MALRD1: variants seen among roughly 807,000 people sequenced by gnomAD.
The protein encoded by MALRD1 is MAM and LDL receptor class A domain containing 1, also known as MAM and LDL-receptor class A domain-containing protein 1.
A neutral mutation model predicts 242.1 loss-of-function variants in MALRD1; 247 were observed. The ratio of observed to expected loss-of-function variants is 1.02; its 90% CI spans 0.92 to 1.13. The LOEUF (loss-of-function observed/expected upper bound fraction) is 1.13. Ranked by LOEUF, MALRD1 falls within the 50% of genes most tolerant of loss-of-function variation. MALRD1 has a pLI of 0.00. For missense variants in MALRD1, 2,989 were observed against 2,533.1 expected, an observed-to-expected ratio of 1.18 and a Z score of -3.86; for synonymous variants, 995 against 866.6, an observed-to-expected ratio of 1.15 and a Z score of -2.60.
At chr10:19,688,022 C>T (rs530394829) in intron 36 of MALRD1, among the ~76,000 whole-genome samples, 15 of 151,734 alleles carry the variant, frequency 9.9e-5, no homozygotes, top group East Asian at 1.9e-4. Context: ...CAGGCTGGAG[C>T]GCAGTGGAGT....
chr10:19,366,670 G>C (rs1414270122), intron 26 of MALRD1, among the ~76,000 whole-genome samples: 1 of 152,038 alleles, frequency 6.6e-6, no homozygotes, highest in Non-Finnish European at 1.5e-5. Context: ...TATGCATTCT[G>C]GTGATGAACA....
intron 5 of MALRD1, among the ~76,000 whole-genome samples, chr10:19,104,466 G>A (rs1564393971): frequency 6.6e-6 from 1 of 151,874 alleles, no homozygotes; most frequent in African/African-American, 2.4e-5. Context: ...CAAAATAGAG[G>A]TATTAGTTAT....
chr10:19,365,676 A>C (rs970740830), intron 26 of MALRD1, among the ~76,000 whole-genome samples: 5 of 147,456 alleles, frequency 3.4e-5, no homozygotes, highest in South Asian at 2.1e-4. Flanking sequence ...AAAAAAAAAA[A>C]AAAAAAAAAA....
At chr10:19,154,952 T>C in intron 11 of MALRD1, 123 bp from the exon 12 acceptor site, 1 of 447,818 alleles carries the variant, frequency 2.2e-6, no homozygotes, top group Admixed American at 4.4e-5. Flanking sequence ...ATAGTAAACA[T>C]GTAAAAAATG....
intron 27 of MALRD1, chr10:19,389,232 G>T: frequency 1.5e-6 from 1 of 653,318 alleles, no homozygotes. Context: ...CAGTTAATCT[G>T]CATACTGTGA....
intron 10 of MALRD1, among the ~76,000 whole-genome samples, chr10:19,140,414 A>G (rs1383471637): frequency 6.6e-6 from 1 of 152,186 alleles, no homozygotes; most frequent in Non-Finnish European, 1.5e-5. Context: ...ATCCTGTATT[A>G]AATGAGGGCA....
intron 29 of MALRD1, among the ~76,000 whole-genome samples, chr10:19,473,558 A>G (rs1836597233): frequency 6.6e-6 from 1 of 152,050 alleles, no homozygotes; most frequent in African/African-American, 2.4e-5. Flanking sequence ...GCCACACATG[A>G]GTGGAATCAT....
At chr10:19,524,349 T>C (rs1834003062) in intron 31 of MALRD1, among the ~76,000 whole-genome samples, 1 of 151,860 alleles carries the variant, frequency 6.6e-6, no homozygotes, top group Non-Finnish European at 1.5e-5. Flanking sequence ...TGGTGGTGCG[T>C]GCCTGTAGTC....
At chr10:19,664,194 C>T (rs1841570390) in intron 36 of MALRD1, among the ~76,000 whole-genome samples, 1 of 151,586 alleles carries the variant, frequency 6.6e-6, no homozygotes, top group Non-Finnish European at 1.5e-5. Context: ...ATCTAAGACT[C>T]TAATGTCATA....
At chr10:19,483,012 C>T (rs1039437155) in intron 29 of MALRD1, among the ~76,000 whole-genome samples, 1 of 151,942 alleles carries the variant, frequency 6.6e-6, no homozygotes, top group Non-Finnish European at 1.5e-5. Context: ...AAGAACAAAG[C>T]TAGAGTCATC....
intron 18 of MALRD1, among the ~76,000 whole-genome samples, chr10:19,252,484 A>T (rs147373801): frequency 2.0e-5 from 3 of 152,204 alleles, no homozygotes; most frequent in Middle Eastern, 3.4e-3. Context: ...ACATTAGCTA[A>T]GAAGAAATAC....
At chr10:19,498,837 T>A (rs1181175109) in intron 31 of MALRD1, among the ~76,000 whole-genome samples, 191 bp downstream of exon 31, 1 of 152,186 alleles carries the variant, frequency 6.6e-6, no homozygotes, top group Non-Finnish European at 1.5e-5. Context: ...CTGACACTGC[T>A]ACAACAAAGC....
chr10:19,639,224 A>G lies in MALRD1; in HGVS notation c.6137+23301A>G, dbSNP rs115504250. On this transcript the variant is annotated intron_variant, in intron 36 of 39. Coordinates refer to ENST00000454679, the MANE Select transcript of MALRD1 (RefSeq NM_001142308.3). ...TTGTTTCAGAAAAAGTATCCATTAT[A>G]TCATCAAGGAAGACTCAGCTGTACA... 9.3e-3 allele frequency among the ~76,000 whole-genome samples: 1,410 copies of G among 152,340 alleles called. 19 individuals are homozygous for G. Among genetic ancestry groups the G allele is most frequent in the African/African-American group, 0.032 (1,323 of 41,574 alleles).
At chr10:19,311,830 C>T (rs1257224121) in intron 21 of MALRD1, among the ~76,000 whole-genome samples, 4 of 151,390 alleles carry the variant, frequency 2.6e-5, no homozygotes, top group Non-Finnish European at 5.9e-5. Flanking sequence ...GTAAAATTTC[C>T]ATCTCACTGC....
chr10:19,217,929 A>T (rs1185124422), intron 18 of MALRD1, among the ~76,000 whole-genome samples: 3 of 152,142 alleles, frequency 2.0e-5, no homozygotes. Context: ...TGGTATCCAG[A>T]AGCTGCATGC....
intron 29 of MALRD1, among the ~76,000 whole-genome samples, chr10:19,466,324 T>C (rs1836217093): frequency 6.6e-6 from 1 of 152,182 alleles, no homozygotes; most frequent in Admixed American, 6.5e-5. Context: ...TTCCAATTTG[T>C]TTAATTTAGT....
chr10:19,405,095 A>G (rs1158220474), intron 28 of MALRD1, among the ~76,000 whole-genome samples: 2 of 152,192 alleles, frequency 1.3e-5, no homozygotes, highest in Non-Finnish European at 2.9e-5. Flanking sequence ...GAAATGAGGC[A>G]TTGAAATGAA....
intron 22 of MALRD1, among the ~76,000 whole-genome samples, chr10:19,324,387 C>G (rs565953864): frequency 5.3e-5 from 8 of 152,196 alleles, no homozygotes; most frequent in Non-Finnish European, 8.8e-5. Context: ...GTATCAGTAT[C>G]AGTGTTCTGA....
At chr10:19,171,694 A>ATATAAATACACACATATATGTGTGTG (rs1834968173) in intron 13 of MALRD1, among the ~76,000 whole-genome samples, 1 of 130,726 alleles carries the variant, frequency 7.6e-6, no homozygotes, top group Non-Finnish European at 1.7e-5. Context: ...ATATGTGTGT[A>ATATAAATACACACATATATGTGTGTG]TGTGTGTGTA....
Sources: gnomAD v4.1 joint callset for allele counts (sites outside exome capture counted in the v4.1 genomes callset) on GRCh38, gnomAD v4.1.1 for gene constraint, MANE v1.5 for transcripts, NCBI Gene and HGNC (gene_info 2026-07-23, HGNC 2026-07-21) for gene names.